The following MALRD1 variants were observed in gnomAD, a reference collection of about 807,000 sequenced individuals.
MALRD1 encodes the protein MAM and LDL-receptor class A domain-containing protein 1.
In MALRD1, 247 loss-of-function variants were observed where a neutral mutation model predicts 242.1. The ratio of observed to expected loss-of-function variants is 1.02; its 90% CI spans 0.92 to 1.13. The LOEUF is 1.13. Among genes scored for constraint, MALRD1 ranks in the 50% most tolerant of loss-of-function variants. The pLI is 0.00. For missense variants in MALRD1, 2,989 were observed against 2,533.1 expected (o/e 1.18, Z -3.86); for synonymous variants, 995 against 866.6 (o/e 1.15, Z -2.60).
At position 19,108,380 on chromosome 10, in the gene MALRD1, GTTTTTTCTTTTTTTTTTT is replaced by G. The variant is rs1836547623; in HGVS notation, c.694+4312_694+4329del. Reference sequence around the variant, plus strand: ...CAAATAATTATTGAGCTCATGAATTGTTTTTTCTTTTTTTTTTTTTTTTTTTTTTTTTTTTTTTTTTTT... The same window carrying G: ...CAAATAATTATTGAGCTCATGAATTGTTTTTTTTTTTTTTTTTTTTTTTTT... On this transcript the variant is annotated intron_variant, in intron 5 of 39. Transcript: ENST00000454679. 2.3e-4 allele frequency among the ~76,000 whole-genome samples: 5 copies of G among 21,280 alleles called. 1 individual carries two copies. Among genetic ancestry groups the G allele is most frequent in the Non-Finnish European group, 4.0e-4 (5 of 12,412 alleles). 14.0% of individuals were successfully genotyped at this position (21,280 alleles called of 152,430 possible). A position where few individuals can be genotyped will look rare whatever the true frequency, so the allele number is the denominator to read the frequency against.
intron 21 of MALRD1, among the ~76,000 whole-genome samples, chr10:19,323,037 CA>C (rs959453986): frequency 4.4e-4 from 65 of 148,858 alleles, no homozygotes; most frequent in Middle Eastern, 3.4e-3. Context: ...TCTTTTATGG[CA>C]AAAAAAAATC....
intron 13 of MALRD1, among the ~76,000 whole-genome samples, chr10:19,174,524 C>T (rs1214375179): frequency 6.6e-6 from 1 of 152,050 alleles, no homozygotes; most frequent in Admixed American, 6.6e-5. Context: ...GCATAAATTA[C>T]TTCTTCCTTT....
At chr10:19,585,111 A>G (rs752776060) in intron 33 of MALRD1, among the ~76,000 whole-genome samples, 1 of 151,960 alleles carries the variant, frequency 6.6e-6, no homozygotes. Context: ...TTTTGTGCCT[A>G]TGTGTGTCTC....
At chr10:19,331,610 T>G in intron 24 of MALRD1, 28 bp downstream of exon 24, 1 of 1,532,702 alleles carries the variant, frequency 6.5e-7, no homozygotes, top group Non-Finnish European at 8.8e-7. Flanking sequence ...GTTTTCTTAC[T>G]TTTGCCTTCA....
At chr10:19,134,003 C>T (rs1833223665) in intron 9 of MALRD1, 55 bp downstream of exon 9, 2 of 943,748 alleles carry the variant, frequency 2.1e-6, no homozygotes, top group Non-Finnish European at 2.8e-6. Context: ...TTTAGCTTTG[C>T]AGTAATAAAT....
At chr10:19,155,890 T>G (rs904436931) in intron 12 of MALRD1, among the ~76,000 whole-genome samples, 2 of 152,232 alleles carry the variant, frequency 1.3e-5, no homozygotes, top group African/African-American at 2.4e-5. Context: ...TATCAAACAT[T>G]GGTATATATG....
chr10:19,419,596 A>T (rs1407205672), intron 28 of MALRD1, among the ~76,000 whole-genome samples: 1 of 152,206 alleles, frequency 6.6e-6, no homozygotes, highest in Non-Finnish European at 1.5e-5. Flanking sequence ...CTGGGATTAC[A>T]GATGTGAGCC....
At chr10:19,672,652 G>A (rs923261148) in intron 36 of MALRD1, among the ~76,000 whole-genome samples, 1 of 152,068 alleles carries the variant, frequency 6.6e-6, no homozygotes. Flanking sequence ...TCGAACTCCT[G>A]ACCTCAGGTG....
chr10:19,633,533 T>C (rs1367282801), intron 36 of MALRD1: 1 of 152,102 alleles, frequency 6.6e-6, no homozygotes, highest in Non-Finnish European at 1.5e-5. Context: ...ATACAAATCC[T>C]ACAGACAGAA....
intron 26 of MALRD1, among the ~76,000 whole-genome samples, chr10:19,385,473 C>T (rs1329292907): frequency 6.6e-6 from 1 of 151,958 alleles, no homozygotes; most frequent in East Asian, 1.9e-4. Flanking sequence ...TCTTAGTAGG[C>T]TGTAGGAATT....
intron 34 of MALRD1, among the ~76,000 whole-genome samples, chr10:19,606,697 A>C (rs1227098065): frequency 1.3e-5 from 2 of 152,104 alleles, no homozygotes; most frequent in African/African-American, 2.4e-5. Flanking sequence ...CCACTGGCAC[A>C]GACCAGAACC....
chr10:19,124,487 G>A (rs1837181420), intron 6 of MALRD1, 37 bp from the exon 7 acceptor site: 23 of 1,233,262 alleles, frequency 1.9e-5, no homozygotes, highest in Non-Finnish European at 2.3e-5. Flanking sequence ...CACTCTAGCA[G>A]ACTAATAGTC....
intron 21 of MALRD1, among the ~76,000 whole-genome samples, chr10:19,314,900 A>T (rs1389620900): frequency 1.3e-5 from 2 of 151,112 alleles, no homozygotes; most frequent in African/African-American, 4.8e-5. Flanking sequence ...ATATATGACC[A>T]GATAAAGAGG....
chr10:19,125,812 G>A (rs1365371795), intron 7 of MALRD1, among the ~76,000 whole-genome samples: 1 of 151,812 alleles, frequency 6.6e-6, no homozygotes, highest in Non-Finnish European at 1.5e-5. Flanking sequence ...ATCTTGTTAT[G>A]ATACTTGTAA....
intron 5 of MALRD1, among the ~76,000 whole-genome samples, chr10:19,119,868 C>T (rs1345692363): frequency 6.6e-6 from 1 of 152,132 alleles, no homozygotes; most frequent in Non-Finnish European, 1.5e-5. Flanking sequence ...CAGGAATGAG[C>T]AAGGACAGCT....
intron 13 of MALRD1, among the ~76,000 whole-genome samples, chr10:19,170,668 CA>C (rs1182322958): frequency 2.0e-5 from 3 of 152,152 alleles, no homozygotes; most frequent in Non-Finnish European, 2.9e-5. Context: ...TATTCTGCAG[CA>C]TCCACTAAAG....
chr10:19,628,468 A>G (rs546394237), intron 36 of MALRD1, among the ~76,000 whole-genome samples: 9 of 152,308 alleles, frequency 5.9e-5, no homozygotes, highest in African/African-American at 1.7e-4. Flanking sequence ...AAATCCTGAC[A>G]TAGAAAAGTA....
chr10:19,540,420 A>G (rs1339240909), intron 32 of MALRD1, among the ~76,000 whole-genome samples: 3 of 152,170 alleles, frequency 2.0e-5, no homozygotes, highest in Non-Finnish European at 4.4e-5. Context: ...ACATCACTCA[A>G]CAATGATTCT....
chr10:19,105,263 G>A (rs1836424539), intron 5 of MALRD1, among the ~76,000 whole-genome samples: 1 of 151,706 alleles, frequency 6.6e-6, no homozygotes, highest in Non-Finnish European at 1.5e-5. Context: ...AGATAATGTG[G>A]TATTTGTTTT....
Sources: allele counts gnomAD v4.1 joint callset (sites outside exome capture counted in the v4.1 genomes callset), GRCh38; gene constraint gnomAD v4.1.1; transcripts MANE v1.5; gene names NCBI Gene and HGNC (gene_info 2026-07-23, HGNC 2026-07-21).